Variants in RFX3 observed in about 807,000 individuals in gnomAD.
RFX3 encodes transcription factor RFX3.
RFX3 carries 14 observed loss-of-function variants against 98.6 expected under a neutral mutation model. The observed-to-expected ratio is 0.14, with a 90% confidence interval of 0.09 to 0.22. RFX3 has a LOEUF of 0.22. Ranked by LOEUF, RFX3 falls within the 10% of genes least tolerant of loss-of-function variation. The probability of loss-of-function intolerance (pLI) is 1.00; values close to 1 mark genes in which losing one functional copy is unlikely to be tolerated. For synonymous variants in RFX3, 383 were observed against 328.4 expected, an observed-to-expected ratio of 1.17 and a Z score of -1.80; for missense variants, 639 against 926.9, an observed-to-expected ratio of 0.69 and a Z score of 4.03.
chr9:3,330,587 G>T, intron 3 of RFX3, 70 bp from the exon 4 acceptor site: 2 of 1,387,848 alleles, frequency 1.4e-6, no homozygotes, highest in Non-Finnish European at 2.0e-6. Context: ...TTTCTAATAT[G>T]AATGTAATTG....
chr9:3,275,655 G>T, intron 8 of RFX3, 43 bp from the exon 9 acceptor site: 1 of 1,233,802 alleles, frequency 8.1e-7, no homozygotes, highest in Non-Finnish European at 1.2e-6. Context: ...ATTGTGGATG[G>T]TGCCAATTAC....
At chr9:3,337,912 A>G (rs759110594) in intron 3 of RFX3, among the ~76,000 whole-genome samples, 2 of 152,220 alleles carry the variant, frequency 1.3e-5, no homozygotes, top group Non-Finnish European at 2.9e-5. Flanking sequence ...AAGTAGCTAC[A>G]TTATTTGGAA....
chr9:3,295,358 C>A (rs1460733669), intron 5 of RFX3, among the ~76,000 whole-genome samples: 1 of 151,996 alleles, frequency 6.6e-6, no homozygotes, highest in Non-Finnish European at 1.5e-5. Flanking sequence ...GATGTTATGG[C>A]AGCCCTAGTG....
intron 1 of RFX3, among the ~76,000 whole-genome samples, chr9:3,482,396 T>C (rs1215177324): frequency 6.6e-6 from 1 of 152,154 alleles, no homozygotes; most frequent in African/African-American, 2.4e-5. Context: ...AGCAGATATG[T>C]AGTCATCTGT....
At chr9:3,261,726 G>A (rs1351871380) in intron 13 of RFX3, among the ~76,000 whole-genome samples, 2 of 152,116 alleles carry the variant, frequency 1.3e-5, no homozygotes, top group African/African-American at 4.8e-5. Context: ...CTGCCACACT[G>A]TTTTCCAAAG....
At chr9:3,255,063 C>T (rs1448001255) in intron 14 of RFX3, among the ~76,000 whole-genome samples, 2 of 152,136 alleles carry the variant, frequency 1.3e-5, no homozygotes, top group African/African-American at 2.4e-5. Context: ...TGCATTTGAC[C>T]CTGGGCTAGA....
intron 1 of RFX3, among the ~76,000 whole-genome samples, chr9:3,404,293 A>T (rs995602957): frequency 6.6e-6 from 1 of 152,174 alleles, no homozygotes; most frequent in African/African-American, 2.4e-5. Context: ...TTATATGTAT[A>T]TGTATATACA....
chr9:3,355,357 T>C (rs1414856967), intron 2 of RFX3, among the ~76,000 whole-genome samples: 11 of 151,582 alleles, frequency 7.3e-5, no homozygotes, highest in Non-Finnish European at 1.5e-5. Flanking sequence ...AATAAAAGGA[T>C]ATAAAGAGAT....
intron 2 of RFX3, among the ~76,000 whole-genome samples, chr9:3,365,166 G>A (rs1361033366): frequency 6.6e-6 from 1 of 151,970 alleles, no homozygotes; most frequent in East Asian, 1.9e-4. Flanking sequence ...CGGGCATGGT[G>A]TTGCACGCCT....
At chr9:3,506,414 TCC>T (rs1318231490) in intron 1 of RFX3, among the ~76,000 whole-genome samples, 1 of 151,684 alleles carries the variant, frequency 6.6e-6, no homozygotes, top group Non-Finnish European at 1.5e-5. Context: ...ACTTTTGACA[TCC>T]CAGCAGGCAC....
At chr9:3,295,233 T>C (rs1827851815) in intron 5 of RFX3, among the ~76,000 whole-genome samples, 1 of 151,956 alleles carries the variant, frequency 6.6e-6, no homozygotes, top group Non-Finnish European at 1.5e-5. Flanking sequence ...TAAGACTTTA[T>C]TAGTTTTAAG....
chr9:3,266,381 A>G, intron 11 of RFX3, 76 bp from the exon 12 acceptor site: 1 of 879,814 alleles, frequency 1.1e-6, no homozygotes, highest in Non-Finnish European at 1.8e-6. Context: ...ATAAAAGAAA[A>G]TGCTCGTACA....
In RFX3 at chr9:3,410,455, A is replaced by G. The variant is rs148140070; in HGVS notation, c.-8-14859T>C. ...TATTTATACTGAAATAAATAAACCAAAAAGACTAATTTCTAGTTTTCCTGG... is the reference window on the plus strand; with the variant it reads ...TATTTATACTGAAATAAATAAACCAGAAAGACTAATTTCTAGTTTTCCTGG... On this transcript the variant is annotated intron_variant, in intron 1 of 16. Coordinates refer to ENST00000617270, the MANE Select transcript of RFX3 (RefSeq NM_001282116.2). 4.5e-4 allele frequency among the ~76,000 whole-genome samples: 69 copies of G among 152,266 alleles called. 1 individual carries two copies. In the East Asian group the frequency reaches 9.1e-3, roughly 20 times the overall value.
chr9:3,432,882 G>C (rs913178362), intron 1 of RFX3, among the ~76,000 whole-genome samples: 1 of 152,140 alleles, frequency 6.6e-6, no homozygotes, highest in South Asian at 2.1e-4. Context: ...GGTTGGTACT[G>C]TAAAGAAACA....
intron 15 of RFX3, chr9:3,247,301 T>C (rs1820809479): frequency 1.0e-6 from 1 of 987,482 alleles, no homozygotes; most frequent in African/African-American, 1.7e-5. Flanking sequence ...TTGATGACTA[T>C]TCAGAAATTC....
At chr9:3,366,690 T>TTTCCTTCC (rs879456010) in intron 2 of RFX3, among the ~76,000 whole-genome samples, 5 of 127,282 alleles carry the variant, frequency 3.9e-5, no homozygotes, top group African/African-American at 9.8e-5. Context: ...TTCTTCTTTC[T>TTTCCTTCC]TTCCTTTCTT....
chr9:3,225,381 C>T (rs1245339756), intron 16 of RFX3, 101 bp from the exon 17 acceptor site: 5 of 1,496,778 alleles, frequency 3.3e-6, no homozygotes, highest in Non-Finnish European at 4.4e-6. Context: ...ATTACGAAAG[C>T]AACAGCTTAG....
chr9:3,503,792 ATT>A (rs1816309296), intron 1 of RFX3, among the ~76,000 whole-genome samples: 3 of 151,990 alleles, frequency 2.0e-5, no homozygotes, highest in South Asian at 2.1e-4. Flanking sequence ...AAACAATGAC[ATT>A]GTTTCATATA....
intron 1 of RFX3, among the ~76,000 whole-genome samples, chr9:3,511,627 T>C (rs185808940): frequency 6.8e-4 from 104 of 152,140 alleles, no homozygotes; most frequent in Non-Finnish European, 1.1e-3. Context: ...TCTTCCCTCA[T>C]CAACTTACAA....
Sources: allele counts gnomAD v4.1 joint callset (sites outside exome capture counted in the v4.1 genomes callset), GRCh38; gene constraint gnomAD v4.1.1; transcripts MANE v1.5; gene names NCBI Gene and HGNC (gene_info 2026-07-23, HGNC 2026-07-21).